Variants in TNFRSF10B observed in about 807,000 individuals in gnomAD.
TNFRSF10B encodes tumor necrosis factor receptor superfamily member 10B.
TNFRSF10B carries 35 observed loss-of-function variants against 41.4 expected under a neutral mutation model. That is an observed-to-expected ratio of 0.85 (90% CI 0.65 to 1.12). The LOEUF (loss-of-function observed/expected upper bound fraction) is 1.12. Among genes scored for constraint, TNFRSF10B ranks in the 50% most tolerant of loss-of-function variants. The probability of loss-of-function intolerance (pLI) is 0.00; values close to 1 mark genes in which losing one functional copy is unlikely to be tolerated. For missense variants in TNFRSF10B, 584 were observed against 552.7 expected (o/e 1.06, Z -0.57); for synonymous variants, 230 against 215.5 (o/e 1.07, Z -0.59).
At chr8:23,025,602 G>A (rs1029500524) in intron 7 of TNFRSF10B, among the ~76,000 whole-genome samples, 2 of 152,176 alleles carry the variant, frequency 1.3e-5, no homozygotes, top group African/African-American at 2.4e-5. Context: ...AAATACATAT[G>A]CATTTATGTA....
At chr8:23,034,562 A>G (rs1811975138) in intron 2 of TNFRSF10B, among the ~76,000 whole-genome samples, 1 of 152,216 alleles carries the variant, frequency 6.6e-6, no homozygotes, top group African/African-American at 2.4e-5. Flanking sequence ...CTCCATCTGT[A>G]CACACACATA....
chr8:23,043,283 G>C (rs967056187), intron 1 of TNFRSF10B, 40 bp from the exon 2 acceptor site: 1 of 1,534,630 alleles, frequency 6.5e-7, no homozygotes, highest in South Asian at 1.1e-5. Context: ...GTGGCTTCCA[G>C]ACCTCACCCC....
chr8:23,031,366 G>A (rs930539352), intron 2 of TNFRSF10B, among the ~76,000 whole-genome samples: 1 of 142,716 alleles, frequency 7.0e-6, no homozygotes, highest in Non-Finnish European at 1.5e-5. Flanking sequence ...GTGAGCCACT[G>A]CACCCGGCCT....
rs191171056 is a variant in TNFRSF10B at position 23,043,635 on chromosome 8, C to T, written c.145-392G>A. 5.5e-4 allele frequency among the ~76,000 whole-genome samples: 83 copies of T among 152,236 alleles called. 1 individual carries two copies. Among genetic ancestry groups the T allele is most frequent in the Admixed American group, 4.6e-3 (71 of 15,296 alleles). ...TCTTATTCTCTCTCACACAGACATA[C>T]ACACAGACACACATTTTTATAAATG... On this transcript the variant is annotated intron_variant, in intron 1 of 8. Coordinates refer to ENST00000276431, the MANE Select transcript of TNFRSF10B (RefSeq NM_003842.5).
chr8:23,042,040 C>A (rs957889039), intron 2 of TNFRSF10B, among the ~76,000 whole-genome samples: 9 of 152,208 alleles, frequency 5.9e-5, no homozygotes, highest in Non-Finnish European at 1.2e-4. Flanking sequence ...GGCCAAGTTA[C>A]CCTGAGCAGT....
Position 23,020,652 on chromosome 8 carries a change from G to A in TNFRSF10B, c.*2019C>T, listed in dbSNP as rs1054675960. The A allele has an allele frequency of 1.1e-4, 49 of 453,934 alleles. No individual in the cohort carries two copies. Among genetic ancestry groups the A allele is most frequent in the African/African-American group, 5.2e-4 (26 of 50,070 alleles). The allele number at this position is 453,934 out of a possible 1,614,324, so 28.1% of individuals were successfully genotyped here. A position where few individuals can be genotyped will look rare whatever the true frequency, so the allele number is the denominator to read the frequency against. On this transcript the variant is annotated 3_prime_UTR_variant, in exon 9 of 9. Transcript: ENST00000276431. Reference sequence around the variant, plus strand: ...GGTTGCACTGAGCCAAGATCGTACCGTTGCACTCCAGCCTGGGCGAGAGAG... The same window carrying A: ...GGTTGCACTGAGCCAAGATCGTACCATTGCACTCCAGCCTGGGCGAGAGAG...
intron 2 of TNFRSF10B, among the ~76,000 whole-genome samples, chr8:23,033,477 C>T (rs1253300082): frequency 6.6e-6 from 1 of 151,086 alleles, no homozygotes; most frequent in African/African-American, 2.4e-5. Flanking sequence ...GTCCCAGCTA[C>T]TCGGGAGGCT....
rs776865466 is a variant in TNFRSF10B at position 23,020,433 on chromosome 8, C to G, written c.*2238G>C. ...ATAGCTTGGCCTGGCTGGTGGCTCA[C>G]GCCTGTAATCCCAGCACTTTCGGAG... is the stretch of plus-strand genomic sequence containing the variant. On this transcript the variant is annotated 3_prime_UTR_variant, in exon 9 of 9. Transcript: ENST00000276431. 1.3e-5 allele frequency: 6 copies of G among 453,998 alleles called. No homozygotes were observed. Among genetic ancestry groups the G allele is most frequent in the African/African-American group, 4.0e-5 (2 of 50,004 alleles). The allele number at this position is 453,998 out of a possible 1,614,324, so 28.1% of individuals were successfully genotyped here.
At chr8:23,023,520 C>A (rs896312257) in intron 8 of TNFRSF10B, among the ~76,000 whole-genome samples, 1 of 151,976 alleles carries the variant, frequency 6.6e-6, no homozygotes, top group Non-Finnish European at 1.5e-5. Context: ...ACCCAAAGAC[C>A]GAGCAATGCT....
chr8:23,067,829 TAC>T (rs1371940281), intron 1 of TNFRSF10B, among the ~76,000 whole-genome samples: 1 of 152,198 alleles, frequency 6.6e-6, no homozygotes, highest in Admixed American at 6.5e-5. Flanking sequence ...AGCCCCTCTG[TAC>T]AGTCTTGAGT....
At chr8:23,037,052 T>TA (rs966783610) in intron 2 of TNFRSF10B, among the ~76,000 whole-genome samples, 1 of 151,814 alleles carries the variant, frequency 6.6e-6, no homozygotes, top group Non-Finnish European at 1.5e-5. Flanking sequence ...TCTCAATGGG[T>TA]AAAAAAACCA....
chr8:23,029,319 C>T lies in TNFRSF10B; in HGVS notation c.476+291G>A, dbSNP rs114497038. 9.2e-3 allele frequency among the ~76,000 whole-genome samples: 1,400 copies of T among 152,266 alleles called. 16 individuals are homozygous for T. Among genetic ancestry groups the T allele is most frequent in the African/African-American group, 0.032 (1,315 of 41,524 alleles). On this transcript the variant is annotated intron_variant, in intron 4 of 8. Coordinates refer to ENST00000276431, the MANE Select transcript of TNFRSF10B (RefSeq NM_003842.5). ...TGCATTCTACTCATTCTTCTTATTTCAAGAGAAATTAAATCATTTCATGGG... is the reference window on the plus strand; with the variant it reads ...TGCATTCTACTCATTCTTCTTATTTTAAGAGAAATTAAATCATTTCATGGG...
intron 1 of TNFRSF10B, among the ~76,000 whole-genome samples, chr8:23,066,780 C>G (rs1429904925): frequency 1.3e-5 from 2 of 151,848 alleles, no homozygotes; most frequent in East Asian, 3.9e-4. Context: ...GCCTGTAGTC[C>G]CAGCTACACG....
At chr8:23,025,601 T>G (rs1370509311) in intron 7 of TNFRSF10B, among the ~76,000 whole-genome samples, 4 of 152,198 alleles carry the variant, frequency 2.6e-5, no homozygotes, top group African/African-American at 9.7e-5. Flanking sequence ...TAAATACATA[T>G]GCATTTATGT....
intron 2 of TNFRSF10B, among the ~76,000 whole-genome samples, chr8:23,033,426 T>C (rs1585210795): frequency 6.7e-6 from 1 of 150,280 alleles, no homozygotes; most frequent in Non-Finnish European, 1.5e-5. Flanking sequence ...CTACTAAAAA[T>C]ACAAAAAAAA....
chr8:23,066,071 G>A (rs1024567867), intron 1 of TNFRSF10B, among the ~76,000 whole-genome samples: 57 of 152,044 alleles, frequency 3.7e-4, no homozygotes, highest in Non-Finnish European at 2.2e-4. Context: ...TTCCTTGAGC[G>A]CAGGAGTTTG....
chr8:23,068,917 GTC>G lies in TNFRSF10B; in HGVS notation c.-25_-24del. 1 of 1,613,262 alleles carries G rather than the reference GTC, an allele frequency of 6.2e-7. No individual in the cohort carries two copies. Among genetic ancestry groups the G allele is most frequent in the Non-Finnish European group, 8.5e-7 (1 of 1,179,932 alleles). On this transcript the variant is annotated 5_prime_UTR_variant, in exon 1 of 9. Coordinates refer to ENST00000276431, the MANE Select transcript of TNFRSF10B (RefSeq NM_003842.5). ...CATGGCGGTAGGGAACGCTCTTATA[GTC>G]TCTCAGGCCCGTGGGTTTCAGCCCT...
intron 1 of TNFRSF10B, chr8:23,068,311 T>G: frequency 4.7e-6 from 1 of 212,962 alleles, no homozygotes; most frequent in Non-Finnish European, 9.6e-6. Context: ...ATGAGCGCCT[T>G]TAGGAATTCA....
chr8:23,068,144 G>A, intron 1 of TNFRSF10B: 1 of 153,496 alleles, frequency 6.5e-6, no homozygotes. Context: ...TGGCATTGGC[G>A]ATGAGCGGCC....
Sources: gnomAD v4.1 joint callset for allele counts (sites outside exome capture counted in the v4.1 genomes callset) on GRCh38, gnomAD v4.1.1 for gene constraint, MANE v1.5 for transcripts, NCBI Gene and HGNC (gene_info 2026-07-23, HGNC 2026-07-21) for gene names.